Variants in PHTF2 observed in about 807,000 individuals in gnomAD.
PHTF2 encodes the protein putative homeodomain transcription factor 2.
In PHTF2, 60 loss-of-function variants were observed where a neutral mutation model predicts 101.2. The ratio of observed to expected loss-of-function variants is 0.59; its 90% confidence interval spans 0.48 to 0.73. PHTF2 has a LOEUF of 0.73. Among genes scored for constraint, PHTF2 ranks in the 30% least tolerant of loss-of-function variants. The probability of loss-of-function intolerance (pLI) is 0.00; values close to 1 mark genes in which losing one functional copy is unlikely to be tolerated. For synonymous variants in PHTF2, 311 were observed against 307.3 expected (o/e 1.01, Z -0.13); for missense variants, 747 against 908.7 (o/e 0.82, Z 2.29).
At chr7:77,875,758 T>C (rs1798889882) in intron 3 of PHTF2, among the ~76,000 whole-genome samples, 1 of 151,892 alleles carries the variant, frequency 6.6e-6, no homozygotes, top group Non-Finnish European at 1.5e-5. Flanking sequence ...GGGGTTTCAG[T>C]GCGTTAGCCG....
intron 11 of PHTF2, chr7:77,923,615 A>G: frequency 1.0e-6 from 1 of 985,040 alleles, no homozygotes; most frequent in Non-Finnish European, 1.2e-6. Flanking sequence ...TGCCATACAG[A>G]CACTAATGCC....
intron 2 of PHTF2, among the ~76,000 whole-genome samples, chr7:77,848,175 T>G (rs751713621): frequency 6.6e-6 from 1 of 152,180 alleles, no homozygotes; most frequent in Non-Finnish European, 1.5e-5. Flanking sequence ...AACATGGGAG[T>G]GCAGATATCT....
At chr7:77,810,819 T>A (rs1695244023) in intron 1 of PHTF2, among the ~76,000 whole-genome samples, 1 of 152,138 alleles carries the variant, frequency 6.6e-6, no homozygotes, top group Admixed American at 6.5e-5. Context: ...ATTAAAGGCA[T>A]GAGCCACCCC....
exon 20 of PHTF2, chr7:77,957,218 GTGAC>G (rs1280760101): frequency 2.0e-5 from 3 of 151,560 alleles, no homozygotes; most frequent in South Asian, 4.2e-4. Context: ...AAAACATTCT[GTGAC>G]TGACGGTGTT....
intron 8 of PHTF2, 89 bp from the exon 8 acceptor site, chr7:77,910,156 T>G: frequency 9.7e-7 from 1 of 1,034,538 alleles, no homozygotes; most frequent in South Asian, 1.7e-5. Flanking sequence ...TTCCTGTGTT[T>G]ATGTTTTCCA....
At chr7:77,856,437 C>T (rs1253263444) in intron 3 of PHTF2, among the ~76,000 whole-genome samples, 2 of 152,008 alleles carry the variant, frequency 1.3e-5, no homozygotes, top group East Asian at 3.9e-4. Context: ...CTCACTGTAA[C>T]CTAGAACTTC....
chr7:77,904,429 A>G (rs187050833), intron 7 of PHTF2, among the ~76,000 whole-genome samples: 5 of 152,360 alleles, frequency 3.3e-5, no homozygotes, highest in Non-Finnish European at 7.3e-5. Context: ...GCAGTTAATC[A>G]TAAGTGTTAT....
intron 3 of PHTF2, among the ~76,000 whole-genome samples, chr7:77,867,062 T>G (rs1798127252): frequency 6.6e-6 from 1 of 152,228 alleles, no homozygotes; most frequent in South Asian, 2.1e-4. Context: ...CCATACATAT[T>G]AGTACATTTA....
chr7:77,912,673 A>ATT (rs1022928845), intron 9 of PHTF2, among the ~76,000 whole-genome samples: 55 of 105,208 alleles, frequency 5.2e-4, no homozygotes, highest in African/African-American at 1.7e-3. Context: ...ATATATATAT[A>ATT]TTTTTAACCT....
At chr7:77,879,848 C>T (rs1317897436) in intron 3 of PHTF2, among the ~76,000 whole-genome samples, 1 of 152,210 alleles carries the variant, frequency 6.6e-6, no homozygotes, top group African/African-American at 2.4e-5. Flanking sequence ...AACTTGCCCT[C>T]TTCTACTCAC....
intron 3 of PHTF2, among the ~76,000 whole-genome samples, chr7:77,876,502 T>C (rs1398197662): frequency 6.6e-6 from 1 of 152,220 alleles, no homozygotes; most frequent in Non-Finnish European, 1.5e-5. Flanking sequence ...TTTTCTCTTT[T>C]AAGTTTGATA....
chr7:77,907,487 A>G (rs1801973989), intron 7 of PHTF2, among the ~76,000 whole-genome samples: 1 of 152,166 alleles, frequency 6.6e-6, no homozygotes, highest in Non-Finnish European at 1.5e-5. Flanking sequence ...AAGCTAAACA[A>G]AAAAAACCCA....
chr7:77,924,037 G>A (rs10486833), intron 11 of PHTF2: 120,211 of 927,918 alleles, frequency 0.13, 8,476 homozygotes, highest in African/African-American at 0.27. Flanking sequence ...AAAATTCTTC[G>A]TCTATAAAGT....
At chr7:77,880,993 T>C (rs1027776770) in intron 3 of PHTF2, among the ~76,000 whole-genome samples, 2 of 152,136 alleles carry the variant, frequency 1.3e-5, no homozygotes, top group African/African-American at 4.8e-5. Flanking sequence ...CTATCTGGTA[T>C]CCCTCCAATC....
At chr7:77,910,804 G>A (rs534322176) in intron 9 of PHTF2, among the ~76,000 whole-genome samples, 1 of 152,096 alleles carries the variant, frequency 6.6e-6, no homozygotes, top group African/African-American at 2.4e-5. Context: ...ACCACACCTG[G>A]CTAATTTTTT....
chr7:77,871,054 A>G (rs1214876585), intron 3 of PHTF2, among the ~76,000 whole-genome samples: 1 of 152,212 alleles, frequency 6.6e-6, no homozygotes, highest in Non-Finnish European at 1.5e-5. Flanking sequence ...CGTAGCTGGT[A>G]TTGATGACTA....
chr7:77,830,700 A>G (rs1194900265), intron 1 of PHTF2, among the ~76,000 whole-genome samples: 1 of 152,184 alleles, frequency 6.6e-6, no homozygotes, highest in Non-Finnish European at 1.5e-5. Flanking sequence ...CTGCACAGAG[A>G]TCATAATAAA....
At chr7:77,886,811 A>T (rs1455066400) in intron 3 of PHTF2, among the ~76,000 whole-genome samples, 4 of 152,112 alleles carry the variant, frequency 2.6e-5, no homozygotes, top group Non-Finnish European at 5.9e-5. Flanking sequence ...TGGGAGGCTG[A>T]GGTGGGTGGA....
chr7:77,924,179 CAG>C, intron 11 of PHTF2: 10 of 929,188 alleles, frequency 1.1e-5, no homozygotes, highest in Non-Finnish European at 1.3e-5. Flanking sequence ...AAAATGGAAA[CAG>C]AAGATTTGTA....
Sources: allele counts gnomAD v4.1 joint callset (sites outside exome capture counted in the v4.1 genomes callset), GRCh38; gene constraint gnomAD v4.1.1; transcripts MANE v1.5; gene names NCBI Gene and HGNC (gene_info 2026-07-23, HGNC 2026-07-21).